ACSL1: variants seen among roughly 807,000 people sequenced by gnomAD.
ACSL1 encodes the protein long-chain-fatty-acid--CoA ligase 1.
In ACSL1, 41 loss-of-function variants were observed where a neutral mutation model predicts 98.4. The observed-to-expected ratio is 0.42, with a 90% CI of 0.32 to 0.54. ACSL1 has a LOEUF of 0.54. ACSL1 is among the 20% of genes least tolerant of loss of function. The pLI is 0.13. For synonymous variants in ACSL1, 316 were observed against 322.7 expected (o/e 0.98, Z 0.22); for missense variants, 734 against 883.1 (o/e 0.83, Z 2.14).
chr4:184,786,692 C>CTTTTTTTTTTTTTTTT (rs34391801), intron 3 of ACSL1, among the ~76,000 whole-genome samples: 1 of 123,840 alleles, frequency 8.1e-6, no homozygotes. Flanking sequence ...TAGGCACTTT[C>CTTTTTTTTTTTTTTTT]TTTTTTTTTT....
At chr4:184,768,535 T>C in intron 11 of ACSL1, 85 bp from the exon 12 acceptor site, 2 of 1,516,994 alleles carry the variant, frequency 1.3e-6, no homozygotes, top group Non-Finnish European at 1.8e-6. Flanking sequence ...ATTTCAGTTT[T>C]AGCATTTCAG....
Position 184,766,768 on chromosome 4 carries a change from A to G in ACSL1, c.1129-12T>C, listed in dbSNP as rs1222622869. On this transcript the variant is annotated splice_polypyrimidine_tract_variant and intron_variant, in intron 12 of 20. Transcript: ENST00000281455. This position sits in a 1 kb window ranked among gnomAD's most constrained non-coding sequence, Gnocchi z 4.8. ...GCTTGTCCGAAAATCTAATGAGGCA[A>G]GACATGAGAAAGTTTTCACACCTAC... is the stretch of plus-strand genomic sequence containing the variant. The G allele has an allele frequency of 3.1e-6, 5 of 1,607,036 alleles. No individual in the cohort carries two copies. The African/African-American group carries it at 6.7e-5, about 21-fold the overall frequency.
At chr4:184,763,069 T>C (rs897551312) in intron 16 of ACSL1, 98 bp downstream of exon 16, 10 of 1,247,376 alleles carry the variant, frequency 8.0e-6, no homozygotes, top group African/African-American at 6.0e-5. Flanking sequence ...TCAAGTTCAA[T>C]GGCTTTATTG....
At chr4:184,811,899 A>C (rs200244831) in intron 1 of ACSL1, among the ~76,000 whole-genome samples, 1 of 152,148 alleles carries the variant, frequency 6.6e-6, no homozygotes, top group African/African-American at 2.4e-5. Context: ...AAAGAGAAGT[A>C]ATTTTGAGCC....
chr4:184,768,395 A>G lies in ACSL1; in HGVS notation c.1049T>C (p.Leu350Pro). The change falls in exon 12 of 21, where the codon CTG (leucine) becomes CCG (proline). Residue 350 changes from leucine to proline, a missense_variant. Physicochemically the swap from Leu to Pro is moderately conservative, Grantham distance 98. Transcript: ENST00000281455. Reference protein sequence around the residue: ...KIGFFQGDIRLLMDDLKVLQP... With the variant: ...KIGFFQGDIRPLMDDLKVLQP... ...AAGCACCTTGAGGTCATCCATGAGC[A>G]GCCTGATATCTCCTTGGAAAAATCC... 1 of 1,614,050 alleles carries G rather than the reference A, an allele frequency of 6.2e-7. No homozygotes were observed. The highest frequency in any genetic ancestry group is 1.1e-5 in the South Asian group (1 of 91,054).
At chr4:184,758,012 G>T in intron 18 of ACSL1, 92 bp from the exon 19 acceptor site, 2 of 1,243,918 alleles carry the variant, frequency 1.6e-6, no homozygotes, top group South Asian at 1.3e-5. Flanking sequence ...CCCCCTGGGA[G>T]AATATGATGA....
At chr4:184,771,576 T>C (rs1389050412) in intron 10 of ACSL1, among the ~76,000 whole-genome samples, 1 of 152,206 alleles carries the variant, frequency 6.6e-6, no homozygotes, top group Non-Finnish European at 1.5e-5. Context: ...ACATCTGGTT[T>C]CCCTCAGAAT....
intron 5 of ACSL1, among the ~76,000 whole-genome samples, chr4:184,779,211 C>T (rs1043961114): frequency 6.6e-6 from 1 of 152,000 alleles, no homozygotes; most frequent in Non-Finnish European, 1.5e-5. Flanking sequence ...TGGGAGGGAC[C>T]CTGGGGGAGG....
chr4:184,757,788 T>G lies in ACSL1; in HGVS notation c.1884+31A>C. On this transcript the variant is annotated intron_variant, in intron 19 of 20. Transcript: ENST00000281455. The surrounding 1 kb of genome is among the most constrained non-coding windows in gnomAD (Gnocchi z 4.5). Reference sequence around the variant, plus strand: ...AGGTACATTTAATGCCAAGTTATGATGAGGACAGACTGGACCCTTCAGAAC... The same window carrying G: ...AGGTACATTTAATGCCAAGTTATGAGGAGGACAGACTGGACCCTTCAGAAC... 1.9e-6 allele frequency: 3 copies of G among 1,612,252 alleles called. No homozygotes were observed. The highest frequency in any genetic ancestry group is 1.1e-5 in the South Asian group (1 of 91,034).
At chr4:184,812,421 A>T (rs1289357743) in intron 1 of ACSL1, among the ~76,000 whole-genome samples, 1 of 152,124 alleles carries the variant, frequency 6.6e-6, no homozygotes, top group Non-Finnish European at 1.5e-5. Flanking sequence ...GGGGGTATTA[A>T]GCATTTTCCA....
At chr4:184,763,354 G>C in intron 15 of ACSL1, 99 bp from the exon 16 acceptor site, 1 of 1,102,722 alleles carries the variant, frequency 9.1e-7, no homozygotes, top group Non-Finnish European at 1.3e-6. Flanking sequence ...TAAGAAAAAC[G>C]GCTGGGATAA....
intron 15 of ACSL1, 30 bp downstream of exon 15, chr4:184,764,823 A>G (rs191307498): frequency 3.8e-6 from 6 of 1,593,846 alleles, no homozygotes; most frequent in Non-Finnish European, 4.3e-6. Flanking sequence ...GAATAACAAA[A>G]TTCCAAAAAG....
At chr4:184,760,818 C>G (rs938586747) in intron 17 of ACSL1, among the ~76,000 whole-genome samples, 16 of 152,234 alleles carry the variant, frequency 1.1e-4, no homozygotes, top group Admixed American at 9.8e-4. Context: ...AGCCTCCTGT[C>G]TGAATTAGGC....
At chr4:184,809,609 G>A (rs942004374) in intron 1 of ACSL1, among the ~76,000 whole-genome samples, 15 of 151,930 alleles carry the variant, frequency 9.9e-5, no homozygotes, top group South Asian at 4.2e-4. Context: ...TGGCTAACAC[G>A]GTGAAACTCC....
intron 2 of ACSL1, among the ~76,000 whole-genome samples, chr4:184,795,704 T>A (rs1289184783): frequency 6.6e-6 from 1 of 152,170 alleles, no homozygotes; most frequent in Non-Finnish European, 1.5e-5. Context: ...CCTAAAAGCG[T>A]CCCTAAGTCA....
chr4:184,769,194 A>C (rs1764120751), intron 11 of ACSL1, among the ~76,000 whole-genome samples: 1 of 151,994 alleles, frequency 6.6e-6, no homozygotes, highest in African/African-American at 2.4e-5. Context: ...TTTTGTTTGA[A>C]TCTAACTAGA....
rs1411083547 is a variant in ACSL1 at position 184,803,699 on chromosome 4, T to C, written c.-32-153A>G. Among the ~76,000 whole-genome samples, 2 of 152,184 alleles carry C rather than the reference T, an allele frequency of 1.3e-5. No individual in the cohort carries two copies. The highest frequency in any genetic ancestry group is 2.9e-5 in the Non-Finnish European group (2 of 68,046). On this transcript the variant is annotated intron_variant, in intron 1 of 20. Transcript: ENST00000281455. This position sits in a 1 kb window ranked among gnomAD's most constrained non-coding sequence, Gnocchi z 4.8. ...CTAATGATCCGGGGCTTTTCCTGGC[T>C]GTCAAGTGTCATTTTTCTAAAAACA... is the stretch of plus-strand genomic sequence containing the variant.
intron 3 of ACSL1, among the ~76,000 whole-genome samples, chr4:184,787,310 T>G (rs1248214542): frequency 6.6e-6 from 1 of 152,144 alleles, no homozygotes; most frequent in African/African-American, 2.4e-5. Flanking sequence ...AAGAGATGAC[T>G]GATAACCACC....
rs146276099 is a variant in ACSL1, at chr4:184,813,632, G to A, written c.-32-10086C>T. 949 of 306,446 alleles carry A rather than the reference G, an allele frequency of 3.1e-3. 10 individuals carry two copies. The highest frequency in any genetic ancestry group is 0.019 in the African/African-American group (872 of 46,370). 19.0% of individuals were successfully genotyped at this position (306,446 alleles called of 1,614,324 possible). On this transcript the variant is annotated intron_variant, in intron 1 of 20. Transcript: ENST00000281455. ...TAAGGGTATTAGGCAAGACAAGCAC[G>A]GCCTGTTATTACGAAAGCTAAAGAA...
Sources: allele counts gnomAD v4.1 joint callset (sites outside exome capture counted in the v4.1 genomes callset), GRCh38; gene constraint gnomAD v4.1.1; non-coding constraint Gnocchi (gnomAD v3.1); transcripts MANE v1.5; gene names NCBI Gene and HGNC (gene_info 2026-07-23, HGNC 2026-07-21).